The following ATP2B2 variants were observed in gnomAD, a reference collection of about 807,000 sequenced individuals.
ATP2B2 encodes the protein plasma membrane calcium-transporting ATPase 2.
ATP2B2 carries 15 observed loss-of-function variants against 120.0 expected under a neutral mutation model. The ratio of observed to expected loss-of-function variants is 0.12; its 90% CI spans 0.08 to 0.19. The LOEUF is 0.19. Among genes scored for constraint, ATP2B2 ranks in the 10% least tolerant of loss-of-function variants. The pLI, the probability that ATP2B2 is intolerant of heterozygous loss-of-function variation, is 1.00. For synonymous variants in ATP2B2, 694 were observed against 700.3 expected (o/e 0.99, Z 0.14); for missense variants, 1,045 against 1,719.8 (o/e 0.61, Z 6.94).
intron 1 of ATP2B2, among the ~76,000 whole-genome samples, chr3:10,656,080 C>T (rs2070619410): frequency 6.6e-6 from 1 of 152,120 alleles, no homozygotes. Context: ...CCTGGAGAAA[C>T]TTGAATAGGT....
intron 22 of ATP2B2, chr3:10,336,348 A>G (rs776204547): frequency 1.3e-5 from 20 of 1,531,940 alleles, no homozygotes; most frequent in Non-Finnish European, 1.1e-5. Flanking sequence ...AACGAGCACA[A>G]CGGCTACATG....
At chr3:10,686,773 A>T (rs1269656561) in intron 1 of ATP2B2, among the ~76,000 whole-genome samples, 1 of 152,236 alleles carries the variant, frequency 6.6e-6, no homozygotes, top group African/African-American at 2.4e-5. Context: ...GTAAATTGAG[A>T]ACAGTTTCTC....
chr3:10,639,787 G>A (rs969618228), intron 1 of ATP2B2, among the ~76,000 whole-genome samples: 6 of 152,182 alleles, frequency 3.9e-5, no homozygotes, highest in African/African-American at 1.2e-4. Flanking sequence ...AGGGGGTGAG[G>A]AAGAAATGCC....
intron 2 of ATP2B2, among the ~76,000 whole-genome samples, chr3:10,543,953 G>T (rs2067490603): frequency 6.6e-6 from 1 of 152,102 alleles, no homozygotes; most frequent in South Asian, 2.1e-4. Flanking sequence ...TGGCCAGGCT[G>T]GTCTCCAACT....
At position 10,694,453 on chromosome 3, in the gene ATP2B2, G is replaced by A. The variant is rs150429016; in HGVS notation, c.-460+13462C>T. Among the ~76,000 whole-genome samples, 9 of 152,310 alleles carry A rather than the reference G, an allele frequency of 5.9e-5. 1 individual carries two copies. Among genetic ancestry groups the A allele is most frequent in the East Asian group, 1.9e-4 (1 of 5,182 alleles). ...TTAGGACTGGCATTTTGCACTCCTC[G>A]AGGTTCATTCAGGTTGTTGTGTGTA... On this transcript the variant is annotated intron_variant, in intron 1 of 21. Transcript: ENST00000646379.
chr3:10,486,265 G>A (rs2065649971), intron 1 of ATP2B2, among the ~76,000 whole-genome samples: 1 of 152,010 alleles, frequency 6.6e-6, no homozygotes, highest in African/African-American at 2.4e-5. Flanking sequence ...TAGAACTGTT[G>A]CAGGGATTTA....
chr3:10,371,625 CA>C (rs2061244917), intron 12 of ATP2B2, among the ~76,000 whole-genome samples, 183 bp downstream of exon 12: 1 of 152,210 alleles, frequency 6.6e-6, no homozygotes, highest in Admixed American at 6.5e-5. Flanking sequence ...CTTTGTCACA[CA>C]AACATTGTAG....
At chr3:10,410,594 T>C in intron 3 of ATP2B2, 24 bp downstream of exon 3, 10 of 1,583,500 alleles carry the variant, frequency 6.3e-6, no homozygotes, top group Non-Finnish European at 8.6e-6. Flanking sequence ...GCGGGGCGGT[T>C]CGTGGGTCTG....
intron 14 of ATP2B2, among the ~76,000 whole-genome samples, chr3:10,352,042 G>A (rs886463678): frequency 1.9e-4 from 29 of 152,372 alleles, no homozygotes; most frequent in African/African-American, 7.0e-4. Flanking sequence ...GTTAGAAGGT[G>A]GGGCCAAGCC....
chr3:10,685,129 C>A (rs945687746), intron 1 of ATP2B2, among the ~76,000 whole-genome samples: 1 of 152,160 alleles, frequency 6.6e-6, no homozygotes, highest in Non-Finnish European at 1.5e-5. Flanking sequence ...ATCTGTAAAA[C>A]GGGTGTGCTA....
rs561000636 is a variant in ATP2B2, at chr3:10,392,132, C to A, written c.782-3730G>T. Among the ~76,000 whole-genome samples, 25 of 152,256 alleles carry A rather than the reference C, an allele frequency of 1.6e-4. No homozygotes were observed. In the South Asian group the frequency reaches 5.2e-3, roughly 32 times the overall value. On this transcript the variant is annotated intron_variant, in intron 5 of 22. Transcript: ENST00000360273. ...CTGGCTCCTCAACCTGACCATGAGC[C>A]CCTTGAAGGCAGTGTCTGAGTGGGA... is the stretch of plus-strand genomic sequence containing the variant.
In ATP2B2 at chr3:10,402,260, G is replaced by A. The variant is rs1361255788; in HGVS notation, c.486C>T (p.Ile162=). 1.9e-6 allele frequency: 3 copies of A among 1,614,184 alleles called. No individual in the cohort carries two copies. In the South Asian group the frequency reaches 3.3e-5, roughly 18 times the overall value. Residue 162 remains isoleucine (I), a synonymous_variant, in exon 4 of 23, where the codon ATC becomes ATT. Coordinates refer to ENST00000360273, the MANE Select transcript of ATP2B2 (RefSeq NM_001001331.4). This position sits in a 1 kb window ranked among gnomAD's most constrained non-coding sequence, Gnocchi z 4.9. ...IEGAAILLSV[I]CVVLVTAFND... ...TGAAGGCCGTGACCAGGACCACACA[G>A]ATAACTGAGAGGAGAATGGCGGCCC...
intron 2 of ATP2B2, among the ~76,000 whole-genome samples, chr3:10,567,890 A>T (rs538309458): frequency 2.8e-4 from 42 of 152,266 alleles, no homozygotes; most frequent in African/African-American, 9.6e-4. Flanking sequence ...GGATTGATGA[A>T]TGGTCAAACT....
At chr3:10,485,264 G>A (rs1448487219) in intron 1 of ATP2B2, among the ~76,000 whole-genome samples, 2 of 152,214 alleles carry the variant, frequency 1.3e-5, no homozygotes, top group African/African-American at 2.4e-5. Context: ...AAGTCCTGTC[G>A]GGAAGGTTTA....
chr3:10,690,872 C>A (rs962824348), intron 1 of ATP2B2, among the ~76,000 whole-genome samples: 1 of 152,240 alleles, frequency 6.6e-6, no homozygotes, highest in African/African-American at 2.4e-5. Context: ...GACTTAGAAT[C>A]AAATTCTTCC....
chr3:10,665,050 C>T (rs1483465831), intron 1 of ATP2B2, among the ~76,000 whole-genome samples: 1 of 152,186 alleles, frequency 6.6e-6, no homozygotes, highest in African/African-American at 2.4e-5. Flanking sequence ...CATGGTGGCT[C>T]CCTGTTGGGC....
At position 10,472,717 on chromosome 3, in the gene ATP2B2, C is replaced by T. The variant is rs143037624; in HGVS notation, c.-319-22855G>A. On this transcript the variant is annotated intron_variant, in intron 1 of 22. Coordinates refer to ENST00000360273, the MANE Select transcript of ATP2B2 (RefSeq NM_001001331.4). ...CTGTACAGTGGATCCTGGGGAACTA[C>T]AGACAGGTAAACATCTCCCACCAGA... Among the ~76,000 whole-genome samples the T allele has an allele frequency of 1.4e-3, 220 of 152,294 alleles. 1 individual carries two copies. The highest frequency in any genetic ancestry group is 5.0e-3 in the African/African-American group (207 of 41,560).
intron 2 of ATP2B2, among the ~76,000 whole-genome samples, chr3:10,420,291 C>A (rs2125060463): frequency 6.6e-6 from 1 of 152,224 alleles, no homozygotes; most frequent in East Asian, 1.9e-4. Flanking sequence ...TAGGTCTGGG[C>A]CTCACTAGAG....
chr3:10,529,218 G>A (rs1559441785), intron 3 of ATP2B2, among the ~76,000 whole-genome samples: 1 of 152,234 alleles, frequency 6.6e-6, no homozygotes, highest in Non-Finnish European at 1.5e-5. Context: ...GGGAAACAAA[G>A]ACAGGAGGTG....
Sources: gnomAD v4.1 joint callset for allele counts (sites outside exome capture counted in the v4.1 genomes callset) on GRCh38, gnomAD v4.1.1 for gene constraint, Gnocchi (gnomAD v3.1) non-coding constraint, MANE v1.5 for transcripts, NCBI Gene and HGNC (gene_info 2026-07-23, HGNC 2026-07-21) for gene names.